Variants in SMURF1 observed in about 807,000 individuals in gnomAD.
SMURF1 encodes SMAD specific E3 ubiquitin protein ligase 1.
Under a neutral mutation model 98.0 loss-of-function variants are expected in SMURF1, and 44 were observed. That is an observed-to-expected ratio of 0.45 (90% confidence interval 0.35 to 0.58). SMURF1 has a LOEUF of 0.58. Ranked by LOEUF, SMURF1 falls within the 20% of genes least tolerant of loss-of-function variation. The pLI, the probability that SMURF1 is intolerant of heterozygous loss-of-function variation, is 0.00. For missense variants in SMURF1, 687 were observed against 938.4 expected, an observed-to-expected ratio of 0.73 and a Z score of 3.50; for synonymous variants, 396 against 374.9, an observed-to-expected ratio of 1.06 and a Z score of -0.65.
chr7:99,079,186 A>T (rs749235990), intron 1 of SMURF1, among the ~76,000 whole-genome samples: 4 of 152,252 alleles, frequency 2.6e-5, no homozygotes, highest in African/African-American at 7.2e-5. Context: ...GTGTGGCCAC[A>T]GCAGCTGCGC....
At position 99,047,707 on chromosome 7, in the gene SMURF1, C is replaced by T. The variant is rs2150521421; in HGVS notation, c.1129G>A (p.Val377Met). Residue 377 changes from valine (V) to methionine (M), a missense_variant, in exon 10 of 18, where the codon GTG becomes ATG. Val to Met is a conservative substitution (Grantham distance 21). Transcript: ENST00000361368. ...QPQAGHCRIE[V>M]SREEIFEESY... Reference sequence around the variant, plus strand: ...ACCTCAAAGATTTCTTCTCTGGACACTTCGATGCGGCAATGACCAGCTTGG... The same window carrying T: ...ACCTCAAAGATTTCTTCTCTGGACATTTCGATGCGGCAATGACCAGCTTGG... The T allele has an allele frequency of 6.2e-7, 1 of 1,614,228 alleles. No individual in the cohort carries two copies. Among genetic ancestry groups the T allele is most frequent in the Non-Finnish European group, 8.5e-7 (1 of 1,180,042 alleles).
intron 1 of SMURF1, among the ~76,000 whole-genome samples, chr7:99,128,507 G>A (rs1278743118): frequency 2.0e-5 from 3 of 152,162 alleles, no homozygotes; most frequent in Non-Finnish European, 4.4e-5. Flanking sequence ...ATCCTTGCAG[G>A]TTTTACTTCT....
At chr7:99,040,223 C>CA (rs1795319229) in intron 13 of SMURF1, among the ~76,000 whole-genome samples, 155 bp downstream of exon 13, 1 of 132,896 alleles carries the variant, frequency 7.5e-6, no homozygotes, top group Non-Finnish European at 1.5e-5. Context: ...CTCCGCCTTC[C>CA]AAAAAATCCC....
intron 1 of SMURF1, among the ~76,000 whole-genome samples, chr7:99,068,890 G>C (rs1796258419): frequency 6.6e-6 from 1 of 151,914 alleles, no homozygotes; most frequent in South Asian, 2.1e-4. Flanking sequence ...CTACATTCAG[G>C]GTCCAGGCCA....
chr7:99,030,431 T>A lies in SMURF1; in HGVS notation c.*153A>T. On this transcript the variant is annotated 3_prime_UTR_variant, in exon 18 of 18. Coordinates refer to ENST00000361368, the MANE Select transcript of SMURF1 (RefSeq NM_181349.3). ...GGGAGCCACCAACAAAAGTCCCCCA[T>A]CCCCCTCCCCCAACAGAAAGGAGAG... 1 of 652,970 alleles carries A rather than the reference T, an allele frequency of 1.5e-6. No individual in the cohort carries two copies. The highest frequency in any genetic ancestry group is 2.7e-6 in the Non-Finnish European group (1 of 376,688). The allele number at this position is 652,970 out of a possible 1,614,324, so 40.4% of individuals were successfully genotyped here.
intron 1 of SMURF1, among the ~76,000 whole-genome samples, chr7:99,142,625 A>C (rs1486645880): frequency 2.6e-4 from 24 of 93,944 alleles, no homozygotes; most frequent in Admixed American, 5.1e-4. Context: ...GGAAGAAGGG[A>C]GGAGGACGGT....
At chr7:99,084,803 GT>G (rs1281550275) in intron 1 of SMURF1, among the ~76,000 whole-genome samples, 1 of 152,068 alleles carries the variant, frequency 6.6e-6, no homozygotes, top group Non-Finnish European at 1.5e-5. Flanking sequence ...TTGGGTATGG[GT>G]CCCCCCGCAA....
intron 1 of SMURF1, among the ~76,000 whole-genome samples, chr7:99,114,379 A>T (rs1797394507): frequency 1.3e-5 from 2 of 152,210 alleles, no homozygotes; most frequent in African/African-American, 2.4e-5. Flanking sequence ...ATCGGATAAA[A>T]CAGACTTTAA....
At chr7:99,129,805 GA>G (rs1278719084) in intron 1 of SMURF1, among the ~76,000 whole-genome samples, 2 of 152,226 alleles carry the variant, frequency 1.3e-5, no homozygotes, top group Non-Finnish European at 2.9e-5. Context: ...ACAAACGGAA[GA>G]GCTTGGCGGT....
rs1795336307 is a variant in SMURF1, at chr7:99,040,525, C to T, written c.1403G>A (p.Arg468Gln). 1.3e-6 allele frequency: 2 copies of T among 1,513,258 alleles called. No homozygotes were observed. The highest frequency in any genetic ancestry group is 1.8e-6 in the Non-Finnish European group (2 of 1,130,490). 93.7% of individuals were successfully genotyped at this position (1,513,258 alleles called of 1,614,324 possible). ...ATGGAACACAGCCAGCCCCATGATC[C>T]GCCCCACAAAGTGGAAATAAGACAA... ...DHLSYFHFVGRIMGLAVFHGH... is the reference protein window; with the variant it reads ...DHLSYFHFVGQIMGLAVFHGH... The change falls in exon 13 of 18, where the codon CGG becomes CAG. Residue 468 changes from arginine to glutamine, a missense_variant. This residue lies in a region of SMURF1 where 272 missense variants were observed against 430.0 expected (regional missense o/e 0.63). Transcript: ENST00000361368.
chr7:99,084,760 G>A lies in SMURF1; in HGVS notation c.56-22923C>T, dbSNP rs540540068. ...CAGAAATCCTCTATACTCCCTCCCC[G>A]ACCAAATGCACAGCTACCCTTACTG... is the stretch of plus-strand genomic sequence containing the variant. On this transcript the variant is annotated intron_variant, in intron 1 of 17. Coordinates refer to ENST00000361368, the MANE Select transcript of SMURF1 (RefSeq NM_181349.3). Among the ~76,000 whole-genome samples, 24 of 152,128 alleles carry A rather than the reference G, an allele frequency of 1.6e-4. No homozygotes were observed. In the South Asian group the frequency reaches 2.7e-3, roughly 17 times the overall value.
intron 9 of SMURF1, chr7:99,048,924 C>T (rs1795668115): frequency 6.6e-6 from 1 of 152,320 alleles, no homozygotes; most frequent in African/African-American, 2.4e-5. Flanking sequence ...AATCCCATCT[C>T]TACTAAAAAT....
chr7:99,078,680 A>G (rs1207358644), intron 1 of SMURF1, among the ~76,000 whole-genome samples: 1 of 152,158 alleles, frequency 6.6e-6, no homozygotes, highest in East Asian at 1.9e-4. Flanking sequence ...AGGAGCATGA[A>G]CCCTGTTGTG....
intron 1 of SMURF1, among the ~76,000 whole-genome samples, chr7:99,095,469 G>T (rs921459444): frequency 4.6e-5 from 7 of 152,168 alleles, no homozygotes; most frequent in Non-Finnish European, 1.0e-4. Context: ...TCTTAAGGTA[G>T]CAATTATGGT....
intron 3 of SMURF1, among the ~76,000 whole-genome samples, chr7:99,059,413 AAAAT>A (rs1795973351): frequency 2.3e-4 from 8 of 35,502 alleles, no homozygotes; most frequent in African/African-American, 9.2e-4. Flanking sequence ...AAAATAAAAT[AAAAT>A]AAAATAAAAT....
rs1255820961 is a variant in SMURF1 at position 99,066,067 on chromosome 7, G to A, written c.56-4230C>T. On this transcript the variant is annotated intron_variant, in intron 1 of 17. Coordinates refer to ENST00000361368, the MANE Select transcript of SMURF1 (RefSeq NM_181349.3). Reference sequence around the variant, plus strand: ...CTCAAAAAAAAAAAAAGGCACAAGCGAGAAGACTACATGTTCTCCCTTTTT... The same window carrying A: ...CTCAAAAAAAAAAAAAGGCACAAGCAAGAAGACTACATGTTCTCCCTTTTT... Among the ~76,000 whole-genome samples the A allele has an allele frequency of 2.7e-5, 4 of 150,122 alleles. No individual in the cohort carries two copies. In the East Asian group the frequency reaches 5.8e-4, roughly 22 times the overall value.
intron 11 of SMURF1, among the ~76,000 whole-genome samples, chr7:99,044,145 C>G (rs1795491509): frequency 6.6e-6 from 1 of 152,214 alleles, no homozygotes. Context: ...AACCCCATCT[C>G]TACTAAAAAT....
At chr7:99,044,325 G>C (rs1563002244) in intron 11 of SMURF1, among the ~76,000 whole-genome samples, 1 of 152,048 alleles carries the variant, frequency 6.6e-6, no homozygotes, top group Non-Finnish European at 1.5e-5. Flanking sequence ...AAAAAAAAGG[G>C]AAGAAGAAAT....
intron 1 of SMURF1, among the ~76,000 whole-genome samples, chr7:99,110,132 G>A (rs1279929320): frequency 6.6e-6 from 1 of 152,054 alleles, no homozygotes; most frequent in African/African-American, 2.4e-5. Flanking sequence ...AAGATAACTG[G>A]GAACACAATT....
Sources: allele counts gnomAD v4.1 joint callset (sites outside exome capture counted in the v4.1 genomes callset), GRCh38; gene constraint gnomAD v4.1.1; regional missense constraint gnomAD v4.1.1; transcripts MANE v1.5; gene names NCBI Gene and HGNC (gene_info 2026-07-23, HGNC 2026-07-21).